Variants in CSMD1 observed in about 807,000 individuals in gnomAD.
CSMD1 encodes CUB and sushi domain-containing protein 1.
CSMD1 carries 213 observed loss-of-function variants against 417.5 expected under a neutral mutation model. The observed-to-expected ratio is 0.51, with a 90% confidence interval of 0.46 to 0.57. The LOEUF (loss-of-function observed/expected upper bound fraction) is 0.57, where lower values mean the gene tolerates loss of function less well. CSMD1 is among the 20% of genes least tolerant of loss of function. The probability of loss-of-function intolerance (pLI) is 0.00; values close to 1 mark genes in which losing one functional copy is unlikely to be tolerated. For missense variants in CSMD1, 6,923 were observed against 4,529.7 expected (o/e 1.53, Z -15.17); for synonymous variants, 2,862 against 1,736.8 (o/e 1.65, Z -16.11).
chr8:4,712,138 G>T (rs140010714), intron 1 of CSMD1, among the ~76,000 whole-genome samples: 1 of 152,288 alleles, frequency 6.6e-6, no homozygotes, highest in Non-Finnish European at 1.5e-5. Flanking sequence ...GGTTGAAGCT[G>T]GATGGCATAG....
intron 2 of CSMD1, among the ~76,000 whole-genome samples, chr8:4,463,657 A>G (rs1799976901): frequency 6.6e-6 from 1 of 152,174 alleles, no homozygotes; most frequent in Non-Finnish European, 1.5e-5. Context: ...CACAAAACAC[A>G]TTTTGTACCA....
At chr8:4,172,540 T>C (rs143012537) in intron 3 of CSMD1, among the ~76,000 whole-genome samples, 45 of 152,178 alleles carry the variant, frequency 3.0e-4, no homozygotes, top group African/African-American at 1.1e-3. Flanking sequence ...TCTGCTTTGC[T>C]TGCAGTGGAA....
chr8:3,108,783 T>C, intron 43 of CSMD1, 35 bp from the exon 44 acceptor site: 3 of 1,570,136 alleles, frequency 1.9e-6, no homozygotes, highest in Non-Finnish European at 2.6e-6. Context: ...TGGCTAAGGA[T>C]ATTTACTTCT....
At chr8:4,754,412 G>C (rs943937128) in intron 1 of CSMD1, among the ~76,000 whole-genome samples, 1 of 152,074 alleles carries the variant, frequency 6.6e-6, no homozygotes. Flanking sequence ...TCCCAACTGG[G>C]TCACATACAA....
intron 2 of CSMD1, among the ~76,000 whole-genome samples, chr8:4,457,493 T>TA (rs1381510428): frequency 1.3e-5 from 2 of 152,092 alleles, no homozygotes; most frequent in African/African-American, 4.8e-5. Flanking sequence ...TAGTTTTCTA[T>TA]AAGAAATGAT....
At chr8:3,982,226 A>T (rs1265219179) in intron 5 of CSMD1, among the ~76,000 whole-genome samples, 1 of 149,604 alleles carries the variant, frequency 6.7e-6, no homozygotes, top group African/African-American at 2.4e-5. Context: ...AACTAGTTAG[A>T]ATTAACTACA....
intron 26 of CSMD1, among the ~76,000 whole-genome samples, chr8:3,277,903 A>G (rs1007568327): frequency 6.6e-6 from 1 of 152,332 alleles, no homozygotes; most frequent in East Asian, 1.9e-4. Context: ...AAAAGTGACA[A>G]TTTTATACAG....
At chr8:2,972,016 GA>G (rs1804503152) in intron 57 of CSMD1, among the ~76,000 whole-genome samples, 1 of 151,738 alleles carries the variant, frequency 6.6e-6, no homozygotes, top group South Asian at 2.1e-4. Flanking sequence ...TAGTCTTTGA[GA>G]AAAAATATAT....
intron 3 of CSMD1, among the ~76,000 whole-genome samples, chr8:4,346,282 G>A (rs1051811660): frequency 3.3e-5 from 5 of 152,120 alleles, no homozygotes; most frequent in Non-Finnish European, 5.9e-5. Context: ...CATAGCACAT[G>A]AAAGATACAC....
intron 27 of CSMD1, among the ~76,000 whole-genome samples, chr8:3,227,173 G>T (rs143333824): frequency 6.6e-6 from 1 of 152,118 alleles, no homozygotes; most frequent in Admixed American, 6.5e-5. Context: ...GTCTGAGGCA[G>T]GCAGATCATG....
intron 2 of CSMD1, among the ~76,000 whole-genome samples, chr8:4,591,627 C>T (rs1799987759): frequency 6.6e-6 from 1 of 152,082 alleles, no homozygotes; most frequent in East Asian, 1.9e-4. Context: ...ACTGGGCCTT[C>T]AACTGTCAGC....
chr8:3,599,326 C>T (rs998260963), intron 8 of CSMD1, among the ~76,000 whole-genome samples: 2 of 152,158 alleles, frequency 1.3e-5, no homozygotes, highest in Admixed American at 1.3e-4. Context: ...GATCTACCCT[C>T]TTAGCAAATT....
rs1210422973 is a variant in CSMD1, at chr8:4,378,739, G to T, written c.415+41214C>A. On this transcript the variant is annotated intron_variant, in intron 3 of 69. Transcript: ENST00000635120. Reference sequence around the variant, plus strand: ...TGGTCTTAGAAGGTGAGGCCTTTGGGAGATTATGAGGTTATGAGAGCTCTG... The same window carrying T: ...TGGTCTTAGAAGGTGAGGCCTTTGGTAGATTATGAGGTTATGAGAGCTCTG... Among the ~76,000 whole-genome samples the T allele has an allele frequency of 3.3e-5, 5 of 152,314 alleles. No homozygotes were observed. In the South Asian group the frequency reaches 1.0e-3, roughly 32 times the overall value.
intron 1 of CSMD1, among the ~76,000 whole-genome samples, chr8:4,674,952 C>T (rs898289256): frequency 1.3e-5 from 2 of 152,170 alleles, no homozygotes; most frequent in Non-Finnish European, 2.9e-5. Context: ...TCCTCATTCT[C>T]CTCCATGAGA....
chr8:3,904,259 C>T (rs940719990), intron 5 of CSMD1, among the ~76,000 whole-genome samples: 22 of 152,176 alleles, frequency 1.4e-4, no homozygotes, highest in African/African-American at 4.1e-4. Context: ...TAGCACCTTC[C>T]CTTACCAAAC....
At chr8:3,454,792 T>G (rs558358408) in intron 12 of CSMD1, among the ~76,000 whole-genome samples, 18 of 152,284 alleles carry the variant, frequency 1.2e-4, no homozygotes, top group African/African-American at 1.7e-4. Context: ...TATGTGTCTT[T>G]GAGTTGCTCT....
chr8:4,253,148 C>G (rs535011527), intron 3 of CSMD1, among the ~76,000 whole-genome samples: 2 of 152,134 alleles, frequency 1.3e-5, no homozygotes, highest in Admixed American at 6.5e-5. Flanking sequence ...TTTTCTAAAA[C>G]GATAAACTCA....
intron 7 of CSMD1, among the ~76,000 whole-genome samples, chr8:3,670,069 C>G (rs181720428): frequency 3.9e-5 from 6 of 152,172 alleles, no homozygotes; most frequent in Non-Finnish European, 7.4e-5. Flanking sequence ...ATGGTTAATA[C>G]TGAGTGTCAA....
intron 2 of CSMD1, among the ~76,000 whole-genome samples, chr8:4,586,111 G>A (rs184714746): frequency 7.9e-5 from 12 of 152,250 alleles, no homozygotes; most frequent in African/African-American, 2.6e-4. Context: ...TGAGATCAGG[G>A]TAATTGGCTA....
Sources: gnomAD v4.1 joint callset for allele counts (sites outside exome capture counted in the v4.1 genomes callset) on GRCh38, gnomAD v4.1.1 for gene constraint, MANE v1.5 for transcripts, NCBI Gene and HGNC (gene_info 2026-07-23, HGNC 2026-07-21) for gene names.